The following NRG3 variants were observed in gnomAD, a reference collection of about 807,000 sequenced individuals.
NRG3 encodes neuregulin 3, also known as pro-neuregulin-3, membrane-bound isoform.
NRG3 carries 31 observed loss-of-function variants against 66.9 expected under a neutral mutation model. That is an observed-to-expected ratio of 0.46 (90% CI 0.35 to 0.63). The LOEUF is 0.63. Ranked by LOEUF, NRG3 falls within the 20% of genes least tolerant of loss-of-function variation. The pLI, the probability that NRG3 is intolerant of heterozygous loss-of-function variation, is 0.00. For synonymous variants in NRG3, 393 were observed against 359.4 expected, an observed-to-expected ratio of 1.09 and a Z score of -1.06; for missense variants, 910 against 878.9, an observed-to-expected ratio of 1.04 and a Z score of -0.45.
intron 1 of NRG3, among the ~76,000 whole-genome samples, chr10:82,355,703 A>G (rs1446654379): frequency 2.0e-5 from 3 of 152,218 alleles, no homozygotes; most frequent in African/African-American, 7.2e-5. Flanking sequence ...CATATTTTGC[A>G]TGATGACTTT....
At chr10:82,323,127 A>G (rs781366775) in intron 1 of NRG3, among the ~76,000 whole-genome samples, 18 of 152,228 alleles carry the variant, frequency 1.2e-4, no homozygotes, top group Non-Finnish European at 2.2e-4. Context: ...TTTTACTTTC[A>G]GTCTCTAAAT....
chr10:82,443,319 TAATA>T, intron 2 of NRG3, among the ~76,000 whole-genome samples: 1 of 152,134 alleles, frequency 6.6e-6, no homozygotes, highest in East Asian at 1.9e-4. Flanking sequence ...ATCACTCATG[TAATA>T]AATATTTATT....
intron 1 of NRG3, among the ~76,000 whole-genome samples, chr10:82,173,387 C>T (rs553620396): frequency 3.3e-5 from 5 of 152,034 alleles, no homozygotes; most frequent in East Asian, 3.9e-4. Context: ...TACACAAACA[C>T]GCACACATGC....
At chr10:82,145,841 T>TC (rs1185643939) in intron 1 of NRG3, among the ~76,000 whole-genome samples, 1 of 152,098 alleles carries the variant, frequency 6.6e-6, no homozygotes, top group Non-Finnish European at 1.5e-5. Context: ...GTTTTTTTTT[T>TC]CCCATATTCA....
chr10:82,354,225 A>G (rs1209552835), intron 1 of NRG3, among the ~76,000 whole-genome samples: 1 of 151,098 alleles, frequency 6.6e-6, no homozygotes, highest in Non-Finnish European at 1.5e-5. Context: ...TTATTTGTAT[A>G]GATGGGGGTC....
intron 1 of NRG3, among the ~76,000 whole-genome samples, chr10:82,090,647 A>G (rs1344179432): frequency 1.3e-5 from 2 of 152,186 alleles, no homozygotes; most frequent in African/African-American, 2.4e-5. Context: ...TGGATTGCCT[A>G]AATGGGGTTG....
intron 2 of NRG3, among the ~76,000 whole-genome samples, chr10:82,592,836 G>A (rs905212312): frequency 6.6e-6 from 1 of 152,184 alleles, no homozygotes; most frequent in Non-Finnish European, 1.5e-5. Context: ...ATTGTCAGCT[G>A]GGACAGGGGT....
At chr10:82,866,715 GTCA>G (rs1840778593) in intron 4 of NRG3, among the ~76,000 whole-genome samples, 1 of 152,162 alleles carries the variant, frequency 6.6e-6, no homozygotes, top group African/African-American at 2.4e-5. Context: ...TCAATTAGTA[GTCA>G]TCATGAGAGC....
chr10:82,099,205 C>G (rs1564561173), intron 1 of NRG3, among the ~76,000 whole-genome samples: 1 of 151,912 alleles, frequency 6.6e-6, no homozygotes, highest in South Asian at 2.1e-4. Flanking sequence ...TCTCTTTTTT[C>G]TCAAGTTTTA....
chr10:82,600,502 G>A (rs557765639), intron 2 of NRG3, among the ~76,000 whole-genome samples: 99 of 152,072 alleles, frequency 6.5e-4, no homozygotes, highest in African/African-American at 2.2e-3. Flanking sequence ...ACGGAGTCTC[G>A]CTCTGTCACC....
intron 1 of NRG3, among the ~76,000 whole-genome samples, chr10:82,090,437 T>G (rs1229591812): frequency 2.0e-5 from 3 of 152,226 alleles, no homozygotes; most frequent in Non-Finnish European, 2.9e-5. Context: ...TGATTAAGAA[T>G]AAATTTTTAA....
chr10:81,897,981 G>A (rs1360962718), intron 1 of NRG3, among the ~76,000 whole-genome samples: 1 of 152,172 alleles, frequency 6.6e-6, no homozygotes, highest in East Asian at 1.9e-4. Context: ...CTGCCCCACT[G>A]TAGACCAATC....
intron 1 of NRG3, among the ~76,000 whole-genome samples, chr10:82,055,524 G>C (rs1191099455): frequency 6.6e-6 from 1 of 151,734 alleles, no homozygotes; most frequent in African/African-American, 2.4e-5. Context: ...TTAGTGTAGT[G>C]ATGAGCAAAA....
chr10:81,929,360 A>G (rs149152034), intron 1 of NRG3, among the ~76,000 whole-genome samples: 1 of 152,322 alleles, frequency 6.6e-6, no homozygotes, highest in East Asian at 1.9e-4. Flanking sequence ...GAATTAAAAC[A>G]TAATAATCCT....
chr10:82,181,507 C>A (rs1479086278), intron 1 of NRG3, among the ~76,000 whole-genome samples: 1 of 151,716 alleles, frequency 6.6e-6, no homozygotes, highest in South Asian at 2.1e-4. Context: ...CATTTGATTA[C>A]TTTTTAATTC....
At chr10:82,967,557 C>A (rs1851325223) in intron 6 of NRG3, among the ~76,000 whole-genome samples, 1 of 152,136 alleles carries the variant, frequency 6.6e-6, no homozygotes, top group Non-Finnish European at 1.5e-5. Flanking sequence ...GTAGTTTTGC[C>A]TTTAGTCTGC....
chr10:82,935,785 G>A (rs1277700256), intron 4 of NRG3, among the ~76,000 whole-genome samples: 1 of 151,582 alleles, frequency 6.6e-6, no homozygotes, highest in Non-Finnish European at 1.5e-5. Flanking sequence ...CACCACGCCT[G>A]GATAATTTTT....
intron 1 of NRG3, among the ~76,000 whole-genome samples, chr10:82,030,383 C>T (rs911674596): frequency 6.6e-6 from 1 of 152,044 alleles, no homozygotes. Context: ...AGGAAACAGA[C>T]GTAACACAAC....
chr10:82,405,978 T>C (rs1346010309), intron 2 of NRG3, among the ~76,000 whole-genome samples: 2 of 152,114 alleles, frequency 1.3e-5, no homozygotes, highest in African/African-American at 4.8e-5. Context: ...TTTGCATTGC[T>C]CCATTGCTGC....
Sources: allele counts gnomAD v4.1 joint callset (sites outside exome capture counted in the v4.1 genomes callset), GRCh38; gene constraint gnomAD v4.1.1; transcripts MANE v1.5; gene names NCBI Gene and HGNC (gene_info 2026-07-23, HGNC 2026-07-21).